Variants in PCDH15 observed in about 807,000 individuals in gnomAD.
PCDH15 encodes the protein protocadherin-15.
PCDH15 carries 129 observed loss-of-function variants against 178.5 expected under a neutral mutation model. The observed-to-expected ratio is 0.72, with a 90% CI of 0.63 to 0.84. PCDH15 has a LOEUF of 0.84. PCDH15 is among the 40% of genes least tolerant of loss of function. PCDH15 has a pLI of 0.00. For synonymous variants in PCDH15, 800 were observed against 732.0 expected (o/e 1.09, Z -1.50); for missense variants, 2,230 against 2,099.9 (o/e 1.06, Z -1.21).
chr10:53,997,044 A>G (rs1401569205), intron 20 of PCDH15, among the ~76,000 whole-genome samples: 2 of 152,156 alleles, frequency 1.3e-5, no homozygotes, highest in African/African-American at 4.8e-5. Context: ...ACTATCAAAC[A>G]ATGCTTCCTT....
intron 2 of PCDH15, among the ~76,000 whole-genome samples, chr10:54,575,445 TC>T (rs2090366627): frequency 6.6e-6 from 1 of 152,150 alleles, no homozygotes; most frequent in African/African-American, 2.4e-5. Flanking sequence ...AAAATTGGCT[TC>T]AATATTTGGT....
At chr10:55,153,025 AT>A (rs910913854) in intron 2 of PCDH15, among the ~76,000 whole-genome samples, 13 of 152,024 alleles carry the variant, frequency 8.6e-5, no homozygotes, top group African/African-American at 3.1e-4. Context: ...TATACAAGTA[AT>A]TTTTTAAAGA....
chr10:54,420,179 T>C (rs1001531926), intron 3 of PCDH15, among the ~76,000 whole-genome samples: 1 of 152,114 alleles, frequency 6.6e-6, no homozygotes, highest in Non-Finnish European at 1.5e-5. Flanking sequence ...GGTATTACTT[T>C]TATATTTAAA....
intron 2 of PCDH15, among the ~76,000 whole-genome samples, chr10:55,482,932 C>T (rs1472981263): frequency 1.3e-5 from 2 of 151,714 alleles, no homozygotes; most frequent in Non-Finnish European, 2.9e-5. Flanking sequence ...TGGTTCCATT[C>T]TTCCCATCTC....
intron 23 of PCDH15, among the ~76,000 whole-genome samples, chr10:53,959,420 A>G: frequency 6.6e-6 from 1 of 152,002 alleles, no homozygotes; most frequent in East Asian, 1.9e-4. Context: ...ATGAGAAACT[A>G]AAGATCTATT....
chr10:54,456,258 G>C (rs1230830821), intron 3 of PCDH15, among the ~76,000 whole-genome samples: 2 of 152,172 alleles, frequency 1.3e-5, no homozygotes, highest in Non-Finnish European at 2.9e-5. Context: ...TGAAGGGGGG[G>C]CATACCCTGC....
intron 16 of PCDH15, among the ~76,000 whole-genome samples, chr10:54,087,647 C>T (rs1243679258): frequency 1.3e-5 from 2 of 152,172 alleles, no homozygotes; most frequent in Non-Finnish European, 2.9e-5. Context: ...TGCACGTCTT[C>T]ATTTCTCTTG....
chr10:54,319,726 T>TG (rs202160192), intron 7 of PCDH15, among the ~76,000 whole-genome samples: 2,150 of 152,182 alleles, frequency 0.014, 47 homozygotes, highest in African/African-American at 0.044. Flanking sequence ...TTTTTTTTTT[T>TG]TTGTTCATAA....
chr10:55,619,861 A>G (rs1258793458), intron 2 of PCDH15, among the ~76,000 whole-genome samples: 4 of 152,210 alleles, frequency 2.6e-5, no homozygotes, highest in Admixed American at 2.6e-4. Flanking sequence ...GAAGCTCATT[A>G]AAGTAAGTCT....
intron 2 of PCDH15, among the ~76,000 whole-genome samples, chr10:55,073,485 G>A (rs1036011813): frequency 4.8e-4 from 73 of 152,192 alleles, no homozygotes; most frequent in African/African-American, 1.8e-3. Context: ...AATCATGAGT[G>A]AACTCCCATT....
chr10:54,160,723 C>T (rs2045622564), intron 13 of PCDH15, among the ~76,000 whole-genome samples: 1 of 152,068 alleles, frequency 6.6e-6, no homozygotes, highest in South Asian at 2.1e-4. Flanking sequence ...AAAACAAACA[C>T]AAATTTTTTA....
At chr10:54,927,403 A>G (rs1372885545) in intron 2 of PCDH15, among the ~76,000 whole-genome samples, 1 of 152,086 alleles carries the variant, frequency 6.6e-6, no homozygotes, top group Non-Finnish European at 1.5e-5. Context: ...AGAAAAATGT[A>G]TATTTTGTTG....
At chr10:54,532,089 T>C (rs2083987836) in intron 2 of PCDH15, among the ~76,000 whole-genome samples, 1 of 152,200 alleles carries the variant, frequency 6.6e-6, no homozygotes, top group Non-Finnish European at 1.5e-5. Flanking sequence ...ATCTTGTCTC[T>C]TACCTAATCA....
At chr10:53,892,330 G>A (rs1211680390) in intron 26 of PCDH15, among the ~76,000 whole-genome samples, 2 of 152,034 alleles carry the variant, frequency 1.3e-5, no homozygotes, top group African/African-American at 4.8e-5. Context: ...CGGCCTCATC[G>A]ATTTTGAAAC....
intron 2 of PCDH15, among the ~76,000 whole-genome samples, chr10:55,087,929 T>C (rs930622839): frequency 6.6e-6 from 1 of 152,164 alleles, no homozygotes; most frequent in Non-Finnish European, 1.5e-5. Flanking sequence ...GATTTATAGA[T>C]ATTACTAATA....
chr10:54,105,274 G>GGA (rs1491174031), intron 15 of PCDH15, among the ~76,000 whole-genome samples: 9 of 20,516 alleles, frequency 4.4e-4, no homozygotes, highest in Admixed American at 3.8e-3. Context: ...ACATATAGAT[G>GGA]GAGATATATA....
At chr10:54,533,307 G>C (rs1050601920) in intron 2 of PCDH15, among the ~76,000 whole-genome samples, 3 of 152,080 alleles carry the variant, frequency 2.0e-5, no homozygotes, top group African/African-American at 4.8e-5. Context: ...CTGTAATGAG[G>C]AAAAAATTGA....
chr10:53,926,531 T>C (rs756156738), intron 25 of PCDH15, among the ~76,000 whole-genome samples: 4 of 152,226 alleles, frequency 2.6e-5, no homozygotes, highest in Non-Finnish European at 4.4e-5. Flanking sequence ...TTTACTTATC[T>C]ACTTCCTTTT....
chr10:54,048,471 G>A (rs2263159), intron 18 of PCDH15, among the ~76,000 whole-genome samples: 24 of 152,112 alleles, frequency 1.6e-4, no homozygotes, highest in African/African-American at 5.1e-4. Flanking sequence ...TAACTTCTTT[G>A]CCAAGGCTGA....
Sources: allele counts gnomAD v4.1 joint callset (sites outside exome capture counted in the v4.1 genomes callset), GRCh38; gene constraint gnomAD v4.1.1; transcripts MANE v1.5; gene names NCBI Gene and HGNC (gene_info 2026-07-23, HGNC 2026-07-21).